Variants in IKZF2 observed in about 807,000 individuals in gnomAD.
IKZF2 encodes zinc finger protein Helios.
A neutral mutation model predicts 49.2 loss-of-function variants in IKZF2; 15 were observed. That is an observed-to-expected ratio of 0.30 (90% CI 0.20 to 0.47). The LOEUF (loss-of-function observed/expected upper bound fraction) is 0.47, where lower values mean the gene tolerates loss of function less well. Among genes scored for constraint, IKZF2 ranks in the 20% least tolerant of loss-of-function variants. The probability of loss-of-function intolerance (pLI) is 1.00; values close to 1 mark genes in which losing one functional copy is unlikely to be tolerated. For synonymous variants in IKZF2, 227 were observed against 221.4 expected (o/e 1.03, Z -0.23); for missense variants, 567 against 664.6 (o/e 0.85, Z 1.61).
At chr2:213,058,330 G>A (rs1432181634) in intron 4 of IKZF2, among the ~76,000 whole-genome samples, 1 of 152,052 alleles carries the variant, frequency 6.6e-6, no homozygotes, top group Non-Finnish European at 1.5e-5. Flanking sequence ...AACAGTTTAG[G>A]TATTAAGAAC....
intron 4 of IKZF2, among the ~76,000 whole-genome samples, chr2:213,067,425 G>C (rs1352763920): frequency 1.3e-5 from 2 of 151,984 alleles, no homozygotes; most frequent in Non-Finnish European, 2.9e-5. Context: ...AGCATGAAGA[G>C]AGGAAAAAGG....
chr2:213,027,228 C>G (rs1574529997), intron 6 of IKZF2, among the ~76,000 whole-genome samples: 1 of 152,202 alleles, frequency 6.6e-6, no homozygotes, highest in East Asian at 1.9e-4. Flanking sequence ...TCTCAATTCT[C>G]ACTTCTGTGG....
Position 213,119,737 on chromosome 2 carries a change from G to A in IKZF2, c.139+27971C>T, listed in dbSNP as rs1055217390. Among the ~76,000 whole-genome samples, 7 of 152,100 alleles carry A rather than the reference G, an allele frequency of 4.6e-5. 1 individual carries two copies. Among genetic ancestry groups the A allele is most frequent in the African/African-American group, 1.7e-4 (7 of 41,400 alleles). On this transcript the variant is annotated intron_variant, in intron 4 of 8. Transcript: ENST00000434687. Reference sequence around the variant, plus strand: ...AATGCAAGGCTTTCTCTACAGACTCGGGTTCAGAGGTCACCATCATATATG... The same window carrying A: ...AATGCAAGGCTTTCTCTACAGACTCAGGTTCAGAGGTCACCATCATATATG...
chr2:213,107,397 C>G (rs1312842057), intron 4 of IKZF2, among the ~76,000 whole-genome samples: 2 of 152,300 alleles, frequency 1.3e-5, no homozygotes, highest in East Asian at 1.9e-4. Context: ...ACTGAACTCC[C>G]AACAAATTGT....
intron 4 of IKZF2, among the ~76,000 whole-genome samples, chr2:213,106,203 T>C (rs1351806182): frequency 4.6e-5 from 7 of 151,440 alleles, no homozygotes; most frequent in Admixed American, 2.0e-4. Flanking sequence ...TATTTACATA[T>C]CTTTAAAATC....
intron 6 of IKZF2, among the ~76,000 whole-genome samples, chr2:213,046,456 T>C (rs757414606): frequency 2.6e-4 from 39 of 151,062 alleles, no homozygotes; most frequent in Admixed American, 5.3e-4. Flanking sequence ...GGTTTGTAAA[T>C]AGAATGTCTG....
chr2:213,127,444 A>G (rs936577845), intron 4 of IKZF2, among the ~76,000 whole-genome samples: 1 of 152,218 alleles, frequency 6.6e-6, no homozygotes, highest in Non-Finnish European at 1.5e-5. Flanking sequence ...GTGGAATACC[A>G]ATACAACTAA....
In IKZF2 at chr2:213,005,385, G is replaced by A. The variant is rs1695265995; in HGVS notation, c.*1975C>T. ...AAAATAATTATGACAGGGACTAGTA[G>A]AAGAGAGCTGAGTTCTAACCATTTT... On this transcript the variant is annotated 3_prime_UTR_variant, in exon 9 of 9. Transcript: ENST00000434687. 6.6e-6 allele frequency: 1 copy of A among 151,864 alleles called. No individual in the cohort carries two copies. Among genetic ancestry groups the A allele is most frequent in the Non-Finnish European group, 1.5e-5 (1 of 67,970 alleles). The allele number at this position is 151,864 out of a possible 1,614,324, so 9.4% of individuals were successfully genotyped here.
intron 6 of IKZF2, among the ~76,000 whole-genome samples, chr2:213,045,628 T>C (rs1700077851): frequency 6.6e-6 from 1 of 152,204 alleles, no homozygotes. Flanking sequence ...GTAAGAGATA[T>C]ATGCTATAGA....
At chr2:213,134,265 C>G (rs1444717233) in intron 4 of IKZF2, among the ~76,000 whole-genome samples, 1 of 152,140 alleles carries the variant, frequency 6.6e-6, no homozygotes, top group Non-Finnish European at 1.5e-5. Flanking sequence ...ATTGCCATCT[C>G]CCAAGAGGGG....
chr2:213,102,722 T>C (rs1706851299), intron 4 of IKZF2, among the ~76,000 whole-genome samples: 1 of 152,090 alleles, frequency 6.6e-6, no homozygotes, highest in Admixed American at 6.6e-5. Flanking sequence ...AATATGTTGA[T>C]TTAACTAATA....
At chr2:213,081,788 A>T (rs899551028) in intron 4 of IKZF2, among the ~76,000 whole-genome samples, 8 of 152,152 alleles carry the variant, frequency 5.3e-5, no homozygotes, top group Non-Finnish European at 1.5e-5. Flanking sequence ...GCCCTGAGGA[A>T]CCGAGGTACC....
chr2:213,096,168 C>T (rs764350989), intron 4 of IKZF2, among the ~76,000 whole-genome samples: 50 of 151,718 alleles, frequency 3.3e-4, no homozygotes, highest in Admixed American at 2.7e-3. Context: ...AAACTTGATG[C>T]GAATTTCACA....
At chr2:213,121,743 C>T (rs1239213476) in intron 4 of IKZF2, among the ~76,000 whole-genome samples, 1 of 152,188 alleles carries the variant, frequency 6.6e-6, no homozygotes, top group Non-Finnish European at 1.5e-5. Context: ...GCCATTATTA[C>T]ATATTTGTAC....
chr2:213,044,642 T>A (rs942834462), intron 6 of IKZF2, among the ~76,000 whole-genome samples: 2 of 152,204 alleles, frequency 1.3e-5, no homozygotes, highest in African/African-American at 4.8e-5. Flanking sequence ...GATTACAGCA[T>A]GATATGGCTG....
intron 4 of IKZF2, among the ~76,000 whole-genome samples, chr2:213,108,273 CA>C (rs2059596551): frequency 6.6e-6 from 1 of 152,040 alleles, no homozygotes; most frequent in African/African-American, 2.4e-5. Context: ...CAAAATTTTA[CA>C]AATTTTAAAA....
At chr2:213,102,830 G>A (rs1706868469) in intron 4 of IKZF2, among the ~76,000 whole-genome samples, 1 of 151,868 alleles carries the variant, frequency 6.6e-6, no homozygotes, top group African/African-American at 2.4e-5. Flanking sequence ...CTCTACAACA[G>A]TAAGCAAAAC....
intron 4 of IKZF2, among the ~76,000 whole-genome samples, chr2:213,095,571 C>T (rs1705877799): frequency 6.6e-6 from 1 of 151,946 alleles, no homozygotes; most frequent in South Asian, 2.1e-4. Context: ...AAATTTAAAA[C>T]CATGCATATG....
At chr2:213,114,197 C>A (rs1345068764) in intron 4 of IKZF2, among the ~76,000 whole-genome samples, 1 of 152,072 alleles carries the variant, frequency 6.6e-6, no homozygotes, top group Non-Finnish European at 1.5e-5. Context: ...AATCTAAAAT[C>A]AAATCTTCCT....
Sources: gnomAD v4.1 joint callset for allele counts (sites outside exome capture counted in the v4.1 genomes callset) on GRCh38, gnomAD v4.1.1 for gene constraint, MANE v1.5 for transcripts, NCBI Gene and HGNC (gene_info 2026-07-23, HGNC 2026-07-21) for gene names.